Variants in SRRM4 observed in about 807,000 individuals in gnomAD.
The protein encoded by SRRM4 is serine/arginine repetitive matrix 4, also known as serine/arginine repetitive matrix protein 4.
A neutral mutation model predicts 68.9 loss-of-function variants in SRRM4; 33 were observed. The ratio of observed to expected loss-of-function variants is 0.48; its 90% CI spans 0.36 to 0.64. SRRM4 has a LOEUF of 0.64. Among genes scored for constraint, SRRM4 ranks in the 30% least tolerant of loss-of-function variants. The probability of loss-of-function intolerance (pLI) is 0.00; values close to 1 mark genes in which losing one functional copy is unlikely to be tolerated. For missense variants in SRRM4, 817 were observed against 827.1 expected, an observed-to-expected ratio of 0.99 and a Z score of 0.15; for synonymous variants, 318 against 318.8, an observed-to-expected ratio of 1.00 and a Z score of 0.03.
At chr12:119,014,127 C>T (rs1035315384) in intron 1 of SRRM4, among the ~76,000 whole-genome samples, 2 of 152,090 alleles carry the variant, frequency 1.3e-5, no homozygotes, top group African/African-American at 4.8e-5. Flanking sequence ...CACGTCTTTG[C>T]ATGTTTGTTG....
At chr12:119,037,048 A>G (rs1023681151) in intron 1 of SRRM4, 2 of 152,182 alleles carry the variant, frequency 1.3e-5, no homozygotes, top group Non-Finnish European at 2.9e-5. Flanking sequence ...AAACGAGGCG[A>G]TATCAAACAC....
rs543989602 is a variant in SRRM4 at position 119,073,175 on chromosome 12, G to A, written c.132-29061G>A. Among the ~76,000 whole-genome samples the A allele has an allele frequency of 4.6e-5, 7 of 152,150 alleles. No homozygotes were observed. In the South Asian group the frequency reaches 6.2e-4, roughly 14 times the overall value. On this transcript the variant is annotated intron_variant, in intron 1 of 12. Coordinates refer to ENST00000267260, the MANE Select transcript of SRRM4 (RefSeq NM_194286.4). ...AATGAATTGCCTGGTCTGGGGGAAA[G>A]CAGGGAAGTTCAGGGATGTATATGA...
intron 2 of SRRM4, among the ~76,000 whole-genome samples, chr12:119,111,551 A>G (rs1288377170): frequency 1.3e-5 from 2 of 152,198 alleles, no homozygotes; most frequent in African/African-American, 4.8e-5. Context: ...ACACACTCTA[A>G]AAGATTTTTT....
chr12:119,150,242 C>T lies in SRRM4; in HGVS notation c.1077-775C>T, dbSNP rs138060008. ...ATCCCAGCACTTTGGGAGGCCAAGG[C>T]GGGTGGATCATTTGAGGTCAGGAGT... On this transcript the variant is annotated intron_variant, in intron 9 of 12. Transcript: ENST00000267260. 5.9e-3 allele frequency among the ~76,000 whole-genome samples: 901 copies of T among 152,234 alleles called. 11 individuals carry two copies. The highest frequency in any genetic ancestry group is 0.021 in the African/African-American group (863 of 41,548).
intron 2 of SRRM4, among the ~76,000 whole-genome samples, chr12:119,105,034 T>C (rs867502252): frequency 3.5e-5 from 5 of 142,088 alleles, no homozygotes; most frequent in South Asian, 2.3e-4. Flanking sequence ...GTGTTCTCAT[T>C]GTTCAATTCC....
chr12:118,998,371 G>A (rs1292547501), intron 1 of SRRM4, among the ~76,000 whole-genome samples: 2 of 150,858 alleles, frequency 1.3e-5, no homozygotes, highest in East Asian at 3.9e-4. Flanking sequence ...ATGGACTCTA[G>A]GGCTATATCT....
chr12:118,996,696 G>A (rs1194175360), intron 1 of SRRM4, among the ~76,000 whole-genome samples: 3 of 152,194 alleles, frequency 2.0e-5, no homozygotes. Flanking sequence ...TCCATTTTAT[G>A]GATGGTAGAT....
intron 1 of SRRM4, among the ~76,000 whole-genome samples, chr12:119,026,640 C>A (rs1953550416): frequency 6.6e-6 from 1 of 152,096 alleles, no homozygotes; most frequent in Non-Finnish European, 1.5e-5. Flanking sequence ...CCTCCGCCTC[C>A]CAGGTTCAAG....
chr12:119,037,430 G>T (rs1953636885), intron 1 of SRRM4, among the ~76,000 whole-genome samples: 1 of 152,186 alleles, frequency 6.6e-6, no homozygotes, highest in Non-Finnish European at 1.5e-5. Flanking sequence ...CCTTCAGAAT[G>T]AGGATTGGAT....
At chr12:119,145,188 A>AT (rs373603193) in intron 8 of SRRM4, among the ~76,000 whole-genome samples, 193 bp from the exon 9 acceptor site, 45 of 145,148 alleles carry the variant, frequency 3.1e-4, no homozygotes, top group African/African-American at 1.2e-3. Context: ...AGCAGGGGGT[A>AT]AAAAAAAAAT....
rs1451877627 is a variant in SRRM4, at chr12:119,162,614, G to A, written c.*5816G>A. The A allele has an allele frequency of 6.6e-6, 1 of 152,098 alleles. No individual in the cohort carries two copies. Among genetic ancestry groups the A allele is most frequent in the Non-Finnish European group, 1.5e-5 (1 of 68,040 alleles). The allele number at this position is 152,098 out of a possible 1,614,324, so 9.4% of individuals were successfully genotyped here. A position where few individuals can be genotyped will look rare whatever the true frequency, so the allele number is the denominator to read the frequency against. On this transcript the variant is annotated 3_prime_UTR_variant, in exon 13 of 13. Transcript: ENST00000267260. ...TTCCCTTGGTAGCTTTTTCTCCGGGGTCCTGTGCTATAAGAACTTCTCTCT... is the reference window on the plus strand; with the variant it reads ...TTCCCTTGGTAGCTTTTTCTCCGGGATCCTGTGCTATAAGAACTTCTCTCT...
In SRRM4 at chr12:119,122,050, A is replaced by G. The variant is rs771885576; in HGVS notation, c.465-20A>G. On this transcript the variant is annotated intron_variant, in intron 5 of 12. Transcript: ENST00000267260. Reference sequence around the variant, plus strand: ...ACTAGAATTTTGCATCTTTCAATTAATTGACCATTTCTTGTTTAGCTCCTC... The same window carrying G: ...ACTAGAATTTTGCATCTTTCAATTAGTTGACCATTTCTTGTTTAGCTCCTC... 6 of 1,569,664 alleles carry G rather than the reference A, an allele frequency of 3.8e-6. No individual in the cohort carries two copies. Among genetic ancestry groups the G allele is most frequent in the Non-Finnish European group, 5.3e-6 (6 of 1,139,824 alleles).
chr12:119,085,297 C>T (rs1251248925), intron 1 of SRRM4, among the ~76,000 whole-genome samples: 1 of 152,196 alleles, frequency 6.6e-6, no homozygotes, highest in East Asian at 1.9e-4. Flanking sequence ...TTGCAATAAC[C>T]CTGTGAGGTA....
intron 1 of SRRM4, among the ~76,000 whole-genome samples, chr12:119,090,875 A>G (rs1954010477): frequency 6.6e-6 from 1 of 152,184 alleles, no homozygotes; most frequent in Admixed American, 6.5e-5. Context: ...CCAGGAGGAG[A>G]GACAAGGAGA....
chr12:119,046,302 G>T (rs554453925), intron 1 of SRRM4, among the ~76,000 whole-genome samples: 1 of 152,128 alleles, frequency 6.6e-6, no homozygotes, highest in Non-Finnish European at 1.5e-5. Context: ...AAGAAAAAGA[G>T]ATCTCTTGGC....
intron 1 of SRRM4, among the ~76,000 whole-genome samples, chr12:118,991,152 G>C (rs1953314378): frequency 6.6e-6 from 1 of 152,120 alleles, no homozygotes; most frequent in African/African-American, 2.4e-5. Context: ...ATGGCCTCTA[G>C]CCTCTTCATG....
At chr12:119,115,298 A>G (rs927948017) in intron 3 of SRRM4, among the ~76,000 whole-genome samples, 22 of 152,008 alleles carry the variant, frequency 1.4e-4, no homozygotes, top group African/African-American at 5.3e-4. Flanking sequence ...CATTTTTTCT[A>G]CGTCCAATTC....
chr12:119,138,301 CA>C (rs1472397398), intron 8 of SRRM4, among the ~76,000 whole-genome samples: 1 of 152,132 alleles, frequency 6.6e-6, no homozygotes, highest in East Asian at 1.9e-4. Context: ...ATGTCTGAAA[CA>C]AAGCATAACT....
intron 2 of SRRM4, among the ~76,000 whole-genome samples, chr12:119,113,705 A>T (rs1047721126): frequency 7.2e-5 from 11 of 152,194 alleles, no homozygotes; most frequent in Non-Finnish European, 1.3e-4. Context: ...AGATAACTTG[A>T]CTTCATTTAA....
Sources: gnomAD v4.1 joint callset for allele counts (sites outside exome capture counted in the v4.1 genomes callset) on GRCh38, gnomAD v4.1.1 for gene constraint, MANE v1.5 for transcripts, NCBI Gene and HGNC (gene_info 2026-07-23, HGNC 2026-07-21) for gene names.